The following ARHGEF37 variants were observed in gnomAD, a reference collection of about 807,000 sequenced individuals.
ARHGEF37 encodes the protein Rho guanine nucleotide exchange factor (GEF) 37.
In ARHGEF37, 55 loss-of-function variants were observed where a neutral mutation model predicts 71.1. The observed-to-expected ratio is 0.77, with a 90% confidence interval of 0.62 to 0.97. The LOEUF (loss-of-function observed/expected upper bound fraction) is 0.97, where lower values mean the gene tolerates loss of function less well. Ranked by LOEUF, ARHGEF37 falls within the 50% of genes least tolerant of loss-of-function variation. The probability of loss-of-function intolerance (pLI) is 0.00; values close to 1 mark genes in which losing one functional copy is unlikely to be tolerated. For synonymous variants in ARHGEF37, 327 were observed against 350.6 expected, an observed-to-expected ratio of 0.93 and a Z score of 0.75; for missense variants, 765 against 836.8, an observed-to-expected ratio of 0.91 and a Z score of 1.06.
At chr5:149,554,949 G>T (rs1762733005) in intron 1 of ARHGEF37, among the ~76,000 whole-genome samples, 1 of 151,996 alleles carries the variant, frequency 6.6e-6, no homozygotes, top group South Asian at 2.1e-4. Flanking sequence ...GGCCAATATG[G>T]TGAAACCCCG....
intron 1 of ARHGEF37, among the ~76,000 whole-genome samples, chr5:149,552,666 C>T (rs1762695682): frequency 1.3e-5 from 2 of 151,906 alleles, no homozygotes; most frequent in South Asian, 2.1e-4. Context: ...GATGAAACCC[C>T]GTATCTACTA....
At chr5:149,594,471 T>C (rs1763490859) in intron 1 of ARHGEF37, among the ~76,000 whole-genome samples, 1 of 152,228 alleles carries the variant, frequency 6.6e-6, no homozygotes, top group Non-Finnish European at 1.5e-5. Flanking sequence ...CTTTGCCCTC[T>C]GTACATCCCT....
At position 149,616,597 on chromosome 5, in the gene ARHGEF37, C is replaced by A. The variant is rs768033413; in HGVS notation, c.489C>A (p.Phe163Leu). 3 of 1,611,040 alleles carry A rather than the reference C, an allele frequency of 1.9e-6. No homozygotes were observed. ...VPQAGSSGLS[F>L]LLVIPLQRIT... ...AAGCTGGATCTTCAGGCCTCAGTTT[C>A]TTGCTGGTAATTCCTCTGCAGAGGA... The change falls in exon 5 of 13, where the codon TTC becomes TTA. Residue 163 changes from phenylalanine (F) to leucine (L), a missense_variant. Transcript: ENST00000333677.
intron 1 of ARHGEF37, among the ~76,000 whole-genome samples, chr5:149,592,758 G>A (rs1254509259): frequency 6.6e-6 from 1 of 151,848 alleles, no homozygotes; most frequent in African/African-American, 2.4e-5. Flanking sequence ...GTTTTTTTTG[G>A]TTTGTTTGTT....
chr5:149,560,745 A>G (rs906913679), intron 1 of ARHGEF37, among the ~76,000 whole-genome samples: 5 of 151,610 alleles, frequency 3.3e-5, no homozygotes, highest in African/African-American at 1.2e-4. Context: ...ATGTGGTAAA[A>G]CCCTGTTTGT....
intron 1 of ARHGEF37, among the ~76,000 whole-genome samples, chr5:149,595,567 T>C (rs1430533578): frequency 6.6e-6 from 1 of 152,172 alleles, no homozygotes; most frequent in African/African-American, 2.4e-5. Context: ...TTGGCCTGTA[T>C]CTGACTGGTT....
At chr5:149,564,109 C>T (rs114329201) in intron 1 of ARHGEF37, among the ~76,000 whole-genome samples, 2,054 of 151,798 alleles carry the variant, frequency 0.014, 41 homozygotes, top group African/African-American at 0.047. Flanking sequence ...TGCACCAACA[C>T]GCCTGGCTAA....
chr5:149,612,378 A>G (rs1445773554), intron 4 of ARHGEF37, among the ~76,000 whole-genome samples: 2 of 152,214 alleles, frequency 1.3e-5, no homozygotes, highest in South Asian at 2.1e-4. Context: ...CGTGTTAGCC[A>G]GGATGGTCTC....
At chr5:149,561,272 CAAAAAAAAAAA>C (rs11334969) in intron 1 of ARHGEF37, among the ~76,000 whole-genome samples, 11 of 63,240 alleles carry the variant, frequency 1.7e-4, no homozygotes, top group Non-Finnish European at 3.0e-4. Flanking sequence ...GACTCTGTCT[CAAAAAAAAAAA>C]AAAAAAAAAG....
At chr5:149,579,887 C>T (rs1410644856), upstream of ARHGEF37, among the ~76,000 whole-genome samples, 1 of 152,002 alleles carries the variant, frequency 6.6e-6, no homozygotes, top group Non-Finnish European at 1.5e-5. Context: ...GCCCCGCCAA[C>T]TGATGTTATT....
chr5:149,616,899 C>A, intron 5 of ARHGEF37, 133 bp downstream of exon 5: 1 of 941,850 alleles, frequency 1.1e-6, no homozygotes, highest in Non-Finnish European at 1.6e-6. Context: ...GTAATGCAAG[C>A]TTTAGGTAGG....
intron 1 of ARHGEF37, among the ~76,000 whole-genome samples, chr5:149,556,125 T>G (rs1762751746): frequency 6.6e-6 from 1 of 152,124 alleles, no homozygotes. Flanking sequence ...ATCTCTAGAA[T>G]TGTTTGGTGC....
In ARHGEF37 at chr5:149,606,480, C is replaced by T. The variant is rs112089644; in HGVS notation, c.311-3068C>T. On this transcript the variant is annotated intron_variant, in intron 3 of 12. Coordinates refer to ENST00000333677, the MANE Select transcript of ARHGEF37 (RefSeq NM_001001669.3). ...GACCTTGTCTGGGTCACAGGTCTAG[C>T]CCATGGCTTTGGCAGGCAGTAGGGT... Among the ~76,000 whole-genome samples, 1,241 of 152,286 alleles carry T rather than the reference C, an allele frequency of 8.1e-3. 11 individuals are homozygous for T. Among genetic ancestry groups the T allele is most frequent in the African/African-American group, 0.022 (934 of 41,542 alleles).
intron 11 of ARHGEF37, 77 bp downstream of exon 11, chr5:149,627,348 C>T: frequency 6.7e-7 from 1 of 1,501,548 alleles, no homozygotes; most frequent in Non-Finnish European, 9.0e-7. Flanking sequence ...GACCCGGGCA[C>T]TCTTGTGGGT....
intron 1 of ARHGEF37, among the ~76,000 whole-genome samples, chr5:149,584,612 C>CT (rs971783100): frequency 1.7e-4 from 26 of 148,718 alleles, no homozygotes; most frequent in South Asian, 4.3e-4. Context: ...TTTTCTTTTT[C>CT]TTTTTTTTTT....
Position 149,633,482 on chromosome 5 carries a change from C to G in ARHGEF37, c.*1291C>G, listed in dbSNP as rs1752948112. On this transcript the variant is annotated 3_prime_UTR_variant, in exon 13 of 13. Transcript: ENST00000333677. Reference sequence around the variant, plus strand: ...TTCTAGAACCTGGAAATTGGAGCCCCTCAAAAACAGTTCCTGTTCAAGGAG... The same window carrying G: ...TTCTAGAACCTGGAAATTGGAGCCCGTCAAAAACAGTTCCTGTTCAAGGAG... 6.6e-6 allele frequency: 1 copy of G among 152,310 alleles called. No homozygotes were observed. The highest frequency in any genetic ancestry group is 6.5e-5 in the Admixed American group (1 of 15,290). 9.4% of individuals were successfully genotyped at this position (152,310 alleles called of 1,614,324 possible).
intron 3 of ARHGEF37, chr5:149,606,559 T>G (rs1159195347): frequency 6.6e-6 from 1 of 152,270 alleles, no homozygotes; most frequent in Non-Finnish European, 1.5e-5. Flanking sequence ...GTGGTTAATA[T>G]ATTTTTCTTC....
chr5:149,621,396 T>C (rs931117631), intron 8 of ARHGEF37, among the ~76,000 whole-genome samples: 5 of 152,038 alleles, frequency 3.3e-5, no homozygotes, highest in African/African-American at 9.7e-5. Context: ...TGTGATTGCA[T>C]TGCTGCACTG....
At chr5:149,577,158 C>A (rs1023064234), upstream of ARHGEF37, among the ~76,000 whole-genome samples, 1 of 152,120 alleles carries the variant, frequency 6.6e-6, no homozygotes, top group South Asian at 2.1e-4. Context: ...CTTACTTAAT[C>A]TTTCTGAGCC....
Sources: gnomAD v4.1 joint callset for allele counts (sites outside exome capture counted in the v4.1 genomes callset) on GRCh38, gnomAD v4.1.1 for gene constraint, MANE v1.5 for transcripts, NCBI Gene and HGNC (gene_info 2026-07-23, HGNC 2026-07-21) for gene names.